The following INPP4B variants were observed in gnomAD, a reference collection of about 807,000 sequenced individuals.
INPP4B encodes the protein inositol polyphosphate 4-phosphatase type II.
A neutral mutation model predicts 122.5 loss-of-function variants in INPP4B; 55 were observed. The ratio of observed to expected loss-of-function variants is 0.45; its 90% CI spans 0.36 to 0.56. The LOEUF is 0.56. Ranked by LOEUF, INPP4B falls within the 20% of genes least tolerant of loss-of-function variation. INPP4B has a pLI of 0.00. For synonymous variants in INPP4B, 403 were observed against 388.7 expected (o/e 1.04, Z -0.43); for missense variants, 1,000 against 1,097.7 (o/e 0.91, Z 1.26).
At chr4:142,828,726 C>T (rs1781745088) in intron 1 of INPP4B, among the ~76,000 whole-genome samples, 1 of 152,118 alleles carries the variant, frequency 6.6e-6, no homozygotes, top group Non-Finnish European at 1.5e-5. Flanking sequence ...AACCTCGAGA[C>T]TTAGATATCA....
At chr4:142,483,844 C>T (rs1820884425) in intron 2 of INPP4B, among the ~76,000 whole-genome samples, 1 of 152,054 alleles carries the variant, frequency 6.6e-6, no homozygotes, top group East Asian at 1.9e-4. Flanking sequence ...TCCACAGGAT[C>T]CAGGGCTCTG....
intron 16 of INPP4B, among the ~76,000 whole-genome samples, chr4:142,169,376 A>T (rs898337568): frequency 2.6e-5 from 4 of 151,764 alleles, no homozygotes; most frequent in African/African-American, 9.6e-5. Flanking sequence ...TCTTTCCCAC[A>T]GTTTGGGACT....
intron 1 of INPP4B, among the ~76,000 whole-genome samples, chr4:142,762,040 G>A (rs1403964106): frequency 6.6e-6 from 1 of 151,998 alleles, no homozygotes; most frequent in African/African-American, 2.4e-5. Context: ...TGAGGCCATG[G>A]CTTGGAGTTG....
Position 142,042,558 on chromosome 4 carries a change from G to GTATT in INPP4B, c.2643-13648_2643-13645dup, listed in dbSNP as rs372566277. ...TGTATGTATGTATGTATGTATGTAT[G>GTATT]TATTTATTTATTTATTTATTTTTAG... is the stretch of plus-strand genomic sequence containing the variant. On this transcript the variant is annotated intron_variant, in intron 25 of 25. Coordinates refer to ENST00000262992, the MANE Select transcript of INPP4B (RefSeq NM_001101669.3). Among the ~76,000 whole-genome samples, 319 of 64,118 alleles carry GTATT rather than the reference G, an allele frequency of 5.0e-3. 3 individuals carry two copies. Among genetic ancestry groups the GTATT allele is most frequent in the African/African-American group, 0.016 (302 of 18,882 alleles). The allele number at this position is 64,118 out of a possible 152,430, so 42.1% of individuals were successfully genotyped here.
At chr4:142,168,043 G>A (rs981318330) in intron 16 of INPP4B, among the ~76,000 whole-genome samples, 34 of 151,192 alleles carry the variant, frequency 2.2e-4, no homozygotes, top group African/African-American at 8.2e-4. Context: ...TAAGAAGTCT[G>A]CTATCATTCT....
intron 5 of INPP4B, among the ~76,000 whole-genome samples, chr4:142,427,697 G>T (rs1040789791): frequency 2.6e-5 from 4 of 151,942 alleles, no homozygotes; most frequent in African/African-American, 9.7e-5. Context: ...TCTCCAGCAG[G>T]CAAACAAGAA....
intron 2 of INPP4B, among the ~76,000 whole-genome samples, chr4:142,711,949 G>A (rs1039294342): frequency 3.9e-5 from 6 of 152,156 alleles, no homozygotes; most frequent in African/African-American, 1.2e-4. Context: ...TCAAAAGACC[G>A]AGGCATGAGA....
intron 2 of INPP4B, among the ~76,000 whole-genome samples, chr4:142,520,097 A>C (rs1825893619): frequency 6.6e-6 from 1 of 152,080 alleles, no homozygotes; most frequent in Admixed American, 6.6e-5. Flanking sequence ...TATACAAATT[A>C]TATTTCTGCA....
chr4:142,053,396 T>C (rs898937723), intron 25 of INPP4B, among the ~76,000 whole-genome samples: 183 of 152,202 alleles, frequency 1.2e-3, no homozygotes, highest in African/African-American at 4.1e-3. Flanking sequence ...TGAGGCTGGA[T>C]CTACCAAAAA....
intron 2 of INPP4B, among the ~76,000 whole-genome samples, chr4:142,575,790 A>G (rs1392111315): frequency 6.6e-6 from 1 of 152,078 alleles, no homozygotes; most frequent in African/African-American, 2.4e-5. Flanking sequence ...CAAATATGAC[A>G]TAAACAATGC....
chr4:142,316,565 C>T (rs1338805142), intron 7 of INPP4B, among the ~76,000 whole-genome samples: 1 of 152,038 alleles, frequency 6.6e-6, no homozygotes, highest in East Asian at 1.9e-4. Flanking sequence ...ATATAATGCA[C>T]ATATGTGTAC....
intron 15 of INPP4B, among the ~76,000 whole-genome samples, chr4:142,174,266 A>G (rs1169381593): frequency 6.6e-6 from 1 of 152,156 alleles, no homozygotes; most frequent in East Asian, 1.9e-4. Flanking sequence ...CTTCTTCCTC[A>G]TCAGGAAAGT....
In INPP4B at chr4:142,536,891, G is replaced by A. The variant is rs528266505; in HGVS notation, c.-190-74165C>T. Among the ~76,000 whole-genome samples, 20 of 152,218 alleles carry A rather than the reference G, an allele frequency of 1.3e-4. No homozygotes were observed. The South Asian group carries it at 4.1e-3, about 32-fold the overall frequency. On this transcript the variant is annotated intron_variant, in intron 2 of 25. Coordinates refer to ENST00000262992, the MANE Select transcript of INPP4B (RefSeq NM_001101669.3). ...GGCTCACTGCAACCTCTGCCTCCCG[G>A]GTTCAAGCGATTCTTCTGCCTCAGC...
intron 2 of INPP4B, among the ~76,000 whole-genome samples, chr4:142,678,178 T>C (rs944611414): frequency 2.0e-5 from 3 of 151,892 alleles, no homozygotes; most frequent in Non-Finnish European, 4.4e-5. Context: ...GGCTGCCACA[T>C]TAAACCCACA....
chr4:142,742,902 T>G (rs1399645534), intron 1 of INPP4B, among the ~76,000 whole-genome samples: 1 of 151,960 alleles, frequency 6.6e-6, no homozygotes, highest in Non-Finnish European at 1.5e-5. Context: ...TATCTTGCAA[T>G]ACTGAGAAGG....
intron 25 of INPP4B, among the ~76,000 whole-genome samples, chr4:142,046,123 C>T (rs1365993431): frequency 6.6e-6 from 1 of 152,026 alleles, no homozygotes; most frequent in Non-Finnish European, 1.5e-5. Context: ...AAGGGCCAAA[C>T]TACTCTGCTC....
At chr4:142,366,197 C>T (rs1034044336) in intron 7 of INPP4B, among the ~76,000 whole-genome samples, 1 of 152,090 alleles carries the variant, frequency 6.6e-6, no homozygotes, top group Non-Finnish European at 1.5e-5. Context: ...CCACCCCCTG[C>T]CTGCAAAACA....
chr4:142,427,690 C>A (rs1316490902), intron 5 of INPP4B, among the ~76,000 whole-genome samples: 1 of 151,970 alleles, frequency 6.6e-6, no homozygotes, highest in African/African-American at 2.4e-5. Context: ...CCCTCTTTCT[C>A]CAGCAGGCAA....
At position 142,314,415 on chromosome 4, in the gene INPP4B, G is replaced by A. The variant is rs146180132; in HGVS notation, c.423+297C>T. On this transcript the variant is annotated intron_variant, in intron 8 of 25. Transcript: ENST00000262992. ...ACATCTGTAATTTCCCTCACCTCCT[G>A]TTGGTCCAGAAATCTTGGCTCTGAA... Among the ~76,000 whole-genome samples, 79 of 152,194 alleles carry A rather than the reference G, an allele frequency of 5.2e-4. 1 individual carries two copies. The East Asian group carries it at 0.014, about 28-fold the overall frequency.
Sources: gnomAD v4.1 joint callset for allele counts (sites outside exome capture counted in the v4.1 genomes callset) on GRCh38, gnomAD v4.1.1 for gene constraint, MANE v1.5 for transcripts, NCBI Gene and HGNC (gene_info 2026-07-23, HGNC 2026-07-21) for gene names.